Variants in RNF217 observed in about 807,000 individuals in gnomAD.
RNF217 encodes E3 ubiquitin-protein ligase RNF217.
Under a neutral mutation model 57.8 loss-of-function variants are expected in RNF217, and 31 were observed. That is an observed-to-expected ratio of 0.54 (90% confidence interval 0.40 to 0.72). RNF217 has a LOEUF of 0.72. Ranked by LOEUF, RNF217 falls within the 30% of genes least tolerant of loss-of-function variation. The pLI is 0.00. For missense variants in RNF217, 696 were observed against 708.3 expected (o/e 0.98, Z 0.20); for synonymous variants, 313 against 294.0 (o/e 1.06, Z -0.66).
intron 1 of RNF217, among the ~76,000 whole-genome samples, chr6:125,011,083 G>A (rs893239384): frequency 3.3e-5 from 5 of 151,930 alleles, no homozygotes; most frequent in African/African-American, 9.7e-5. Context: ...GGTGGTATAG[G>A]GTACCAAGAA....
chr6:125,004,473 C>T (rs1785097307), intron 1 of RNF217, among the ~76,000 whole-genome samples: 1 of 152,190 alleles, frequency 6.6e-6, no homozygotes, highest in Non-Finnish European at 1.5e-5. Flanking sequence ...ATAAGCAGAA[C>T]AGTGAAGATC....
intron 1 of RNF217, among the ~76,000 whole-genome samples, chr6:125,015,536 GA>G (rs1785568993): frequency 6.6e-6 from 1 of 151,960 alleles, no homozygotes; most frequent in Non-Finnish European, 1.5e-5. Context: ...TTTTAGAAAA[GA>G]AAAGCGGTTA....
At chr6:125,071,534 GTGTA>G (rs1223875276) in intron 3 of RNF217, among the ~76,000 whole-genome samples, 30 of 138,884 alleles carry the variant, frequency 2.2e-4, no homozygotes, top group East Asian at 8.2e-4. Flanking sequence ...GTGTGTGTGT[GTGTA>G]TATCTTATTA....
At chr6:125,016,511 G>A (rs575412000) in intron 1 of RNF217, among the ~76,000 whole-genome samples, 1 of 152,214 alleles carries the variant, frequency 6.6e-6, no homozygotes, top group South Asian at 2.1e-4. Context: ...AATGGAATCT[G>A]TGCAGAAAAG....
chr6:125,035,017 A>G (rs1347206229), intron 1 of RNF217, among the ~76,000 whole-genome samples: 2 of 151,790 alleles, frequency 1.3e-5, no homozygotes, highest in Non-Finnish European at 2.9e-5. Flanking sequence ...TTGGTGTATA[A>G]GAATGCTTGT....
At chr6:125,079,651 T>C (rs1264549087) in intron 4 of RNF217, among the ~76,000 whole-genome samples, 2 of 152,166 alleles carry the variant, frequency 1.3e-5, no homozygotes, top group African/African-American at 4.8e-5. Context: ...TATTGGACTT[T>C]CATACTTAAT....
chr6:125,030,073 G>T (rs1261719630), intron 1 of RNF217, among the ~76,000 whole-genome samples: 1 of 152,146 alleles, frequency 6.6e-6, no homozygotes, highest in African/African-American at 2.4e-5. Flanking sequence ...AAGAGAAAAT[G>T]AAGAAGAAGC....
chr6:125,012,357 T>C (rs1485079014), intron 1 of RNF217, among the ~76,000 whole-genome samples: 1 of 152,188 alleles, frequency 6.6e-6, no homozygotes, highest in Non-Finnish European at 1.5e-5. Flanking sequence ...GAATTTGAGA[T>C]ATGTACAATG....
intron 4 of RNF217, among the ~76,000 whole-genome samples, chr6:125,080,448 T>C (rs565082710): frequency 6.6e-6 from 1 of 152,294 alleles, no homozygotes; most frequent in Non-Finnish European, 1.5e-5. Flanking sequence ...TTTTTTAGTG[T>C]AATTGATTAT....
chr6:125,007,524 G>A (rs572762315), intron 1 of RNF217, among the ~76,000 whole-genome samples: 1 of 152,242 alleles, frequency 6.6e-6, no homozygotes, highest in South Asian at 2.1e-4. Flanking sequence ...TGGGATTACA[G>A]GCATGAGCCA....
chr6:124,971,449 T>C, intron 1 of RNF217: 1 of 309,626 alleles, frequency 3.2e-6, no homozygotes, highest in East Asian at 1.2e-4. Context: ...TACTGTTAAG[T>C]TTTTTTTTGT....
In RNF217 at chr6:125,084,218, A is replaced by T. The variant is rs1194455332; in HGVS notation, c.*1281A>T. ...TTTTGGGGACACCTTCTTATGGAGG[A>T]GTTTGAAAACTTTTTATGTTCTTGA... is the stretch of plus-strand genomic sequence containing the variant. On this transcript the variant is annotated 3_prime_UTR_variant, in exon 6 of 6. Transcript: ENST00000521654. 6.6e-6 allele frequency: 1 copy of T among 151,864 alleles called. No homozygotes were observed. The highest frequency in any genetic ancestry group is 2.4e-5 in the African/African-American group (1 of 41,408). 9.4% of individuals were successfully genotyped at this position (151,864 alleles called of 1,614,324 possible).
At chr6:124,992,064 T>G (rs1178335877) in intron 1 of RNF217, among the ~76,000 whole-genome samples, 1 of 152,160 alleles carries the variant, frequency 6.6e-6, no homozygotes, top group Non-Finnish European at 1.5e-5. Context: ...TTGTTAACAT[T>G]GCAAATTCTG....
rs920017875 is a variant in RNF217 at position 124,991,436 on chromosome 6, T to TC, written c.882+28017dup. Reference sequence around the variant, plus strand: ...CATGTATACATGCTACCAACCCTCATCCCCCCCATACCAGCATTCTTCTTC... The same window carrying TC: ...CATGTATACATGCTACCAACCCTCATCCCCCCCCATACCAGCATTCTTCTTC... On this transcript the variant is annotated intron_variant, in intron 1 of 5. Coordinates refer to ENST00000521654, the MANE Select transcript of RNF217 (RefSeq NM_001286398.3). 1.9e-4 allele frequency among the ~76,000 whole-genome samples: 29 copies of TC among 152,192 alleles called. 1 individual carries two copies. The highest frequency in any genetic ancestry group is 5.8e-4 in the African/African-American group (24 of 41,548).
intron 2 of RNF217, among the ~76,000 whole-genome samples, chr6:125,057,568 A>G (rs1005606309): frequency 1.3e-5 from 2 of 152,208 alleles, no homozygotes; most frequent in Non-Finnish European, 2.9e-5. Flanking sequence ...GACAATGGAA[A>G]TGGCTGGGTA....
intron 2 of RNF217, chr6:125,048,293 A>G (rs775178583): frequency 7.6e-7 from 1 of 1,311,764 alleles, no homozygotes; most frequent in Non-Finnish European, 1.0e-6. Context: ...ATTTTTAAAA[A>G]TTCAGTTTCC....
chr6:125,012,357 T>TA (rs1277515366), intron 1 of RNF217, among the ~76,000 whole-genome samples: 1 of 152,188 alleles, frequency 6.6e-6, no homozygotes, highest in African/African-American at 2.4e-5. Context: ...GAATTTGAGA[T>TA]ATGTACAATG....
At chr6:125,017,738 T>C (rs1429418616) in intron 1 of RNF217, among the ~76,000 whole-genome samples, 2 of 152,176 alleles carry the variant, frequency 1.3e-5, no homozygotes, top group Non-Finnish European at 2.9e-5. Context: ...TAATTACATA[T>C]TAACTGACTG....
chr6:124,978,732 T>TA (rs1784055018), intron 1 of RNF217, among the ~76,000 whole-genome samples: 1 of 152,160 alleles, frequency 6.6e-6, no homozygotes, highest in African/African-American at 2.4e-5. Context: ...ATGAGAGGGT[T>TA]ACAGCTCATT....
Sources: allele counts gnomAD v4.1 joint callset (sites outside exome capture counted in the v4.1 genomes callset), GRCh38; gene constraint gnomAD v4.1.1; transcripts MANE v1.5; gene names NCBI Gene and HGNC (gene_info 2026-07-23, HGNC 2026-07-21).